GRIP1: variants seen among roughly 807,000 people sequenced by gnomAD.
GRIP1 encodes glutamate receptor-interacting protein 1.
GRIP1 carries 45 observed loss-of-function variants against 129.9 expected under a neutral mutation model. The ratio of observed to expected loss-of-function variants is 0.35; its 90% CI spans 0.27 to 0.44. The LOEUF (loss-of-function observed/expected upper bound fraction) is 0.44. Ranked by LOEUF, GRIP1 falls within the 20% of genes least tolerant of loss-of-function variation. The pLI, the probability that GRIP1 is intolerant of heterozygous loss-of-function variation, is 1.00. For synonymous variants in GRIP1, 530 were observed against 520.8 expected (o/e 1.02, Z -0.24); for missense variants, 1,196 against 1,396.8 (o/e 0.86, Z 2.29).
chr12:67,012,083 A>G (rs192417816), intron 1 of GRIP1, among the ~76,000 whole-genome samples: 15 of 152,326 alleles, frequency 9.8e-5, no homozygotes, highest in African/African-American at 3.6e-4. Flanking sequence ...GGCACATAGT[A>G]GTCATACAAT....
chr12:66,377,702 G>T (rs79092518), intron 20 of GRIP1, among the ~76,000 whole-genome samples: 1 of 146,162 alleles, frequency 6.8e-6, no homozygotes, highest in Non-Finnish European at 1.5e-5. Context: ...TATAGAAAGA[G>T]AGTCATTTTG....
intron 7 of GRIP1, among the ~76,000 whole-genome samples, chr12:66,504,781 C>T (rs1013031360): frequency 9.9e-5 from 15 of 151,970 alleles, no homozygotes; most frequent in Admixed American, 7.9e-4. Context: ...GATAATAAAA[C>T]ATGCTGTAGT....
At chr12:66,534,309 A>G (rs1486779931) in intron 4 of GRIP1, among the ~76,000 whole-genome samples, 1 of 152,222 alleles carries the variant, frequency 6.6e-6, no homozygotes, top group Non-Finnish European at 1.5e-5. Context: ...TTAACTCCTA[A>G]ACATTTCTGA....
At chr12:66,542,239 C>T (rs2061806375) in intron 2 of GRIP1, among the ~76,000 whole-genome samples, 1 of 152,106 alleles carries the variant, frequency 6.6e-6, no homozygotes, top group Non-Finnish European at 1.5e-5. Context: ...TTCTGCCATT[C>T]TCAGGTGACA....
intron 1 of GRIP1, among the ~76,000 whole-genome samples, chr12:66,984,351 T>C (rs1032886240): frequency 6.6e-6 from 1 of 152,220 alleles, no homozygotes; most frequent in African/African-American, 2.4e-5. Context: ...CAATTTATCA[T>C]ATGTAAGAAC....
intron 16 of GRIP1, among the ~76,000 whole-genome samples, chr12:66,397,761 C>G (rs998918357): frequency 2.6e-5 from 4 of 152,118 alleles, no homozygotes; most frequent in African/African-American, 9.7e-5. Context: ...GTGGAGAAAC[C>G]AGACTGAGAG....
chr12:66,357,296 CT>C (rs924562483), intron 23 of GRIP1, among the ~76,000 whole-genome samples: 7 of 152,230 alleles, frequency 4.6e-5, no homozygotes, highest in Non-Finnish European at 1.0e-4. Context: ...GTCCTTCCCC[CT>C]GTGCTGCTGA....
chr12:66,618,724 T>G (rs2065145872), intron 1 of GRIP1, among the ~76,000 whole-genome samples: 1 of 152,146 alleles, frequency 6.6e-6, no homozygotes, highest in African/African-American at 2.4e-5. Flanking sequence ...AATGTTTATT[T>G]ATCAATATCC....
chr12:66,520,475 C>T (rs549088430), intron 5 of GRIP1, among the ~76,000 whole-genome samples: 1 of 152,284 alleles, frequency 6.6e-6, no homozygotes, highest in African/African-American at 2.4e-5. Flanking sequence ...TAAACTAATA[C>T]TGGCTTATTG....
intron 1 of GRIP1, among the ~76,000 whole-genome samples, chr12:66,896,498 T>TTTGG (rs1215551823): frequency 3.5e-5 from 3 of 86,956 alleles, no homozygotes; most frequent in Non-Finnish European, 5.7e-5. Context: ...AAAAAAAAAC[T>TTTGG]TTGGTGGGCC....
chr12:66,397,110 C>CAAG (rs2056820599), intron 16 of GRIP1, among the ~76,000 whole-genome samples: 1 of 60,216 alleles, frequency 1.7e-5, no homozygotes, highest in African/African-American at 6.7e-5. Flanking sequence ...GACTCTGTCT[C>CAAG]AAAAAAAAAA....
intron 1 of GRIP1, among the ~76,000 whole-genome samples, chr12:66,933,380 C>G (rs1346180945): frequency 6.6e-6 from 1 of 152,130 alleles, no homozygotes; most frequent in East Asian, 1.9e-4. Context: ...ATATGGAAAC[C>G]ACTGCTGAGA....
chr12:66,761,056 T>C (rs1592818396), intron 1 of GRIP1, among the ~76,000 whole-genome samples: 1 of 152,146 alleles, frequency 6.6e-6, no homozygotes, highest in South Asian at 2.1e-4. Flanking sequence ...CGCAAAATGG[T>C]CTCTGCTTTC....
In GRIP1 at chr12:66,723,234, C is replaced by T. The variant is rs377330794; in HGVS notation, c.-420+80819G>A. Among the ~76,000 whole-genome samples the T allele has an allele frequency of 2.9e-3, 48 of 16,842 alleles. 6 individuals are homozygous for T. Among genetic ancestry groups the T allele is most frequent in the African/African-American group, 7.3e-3 (27 of 3,698 alleles). 11.0% of individuals were successfully genotyped at this position (16,842 alleles called of 152,430 possible). On this transcript the variant is annotated intron_variant, in intron 1 of 4. Transcript: ENST00000538373. Reference sequence around the variant, plus strand: ...TCTTTCTTTCTTTCTTTCTCTCTCTCTCTCTCTTCCTTCCTTCCTTCCTTC... The same window carrying T: ...TCTTTCTTTCTTTCTTTCTCTCTCTTTCTCTCTTCCTTCCTTCCTTCCTTC...
At chr12:66,877,428 G>A (rs1000313537) in intron 1 of GRIP1, among the ~76,000 whole-genome samples, 2 of 152,032 alleles carry the variant, frequency 1.3e-5, no homozygotes, top group African/African-American at 2.4e-5. Flanking sequence ...AGGAAAGGGT[G>A]TAACTGTTCT....
chr12:66,692,644 A>G (rs796366567), intron 1 of GRIP1, among the ~76,000 whole-genome samples: 3 of 152,344 alleles, frequency 2.0e-5, no homozygotes, highest in African/African-American at 7.2e-5. Flanking sequence ...GCATTTGGTC[A>G]GAAGTGCCAC....
intron 4 of GRIP1, among the ~76,000 whole-genome samples, chr12:66,533,136 T>C (rs997758245): frequency 1.3e-5 from 2 of 152,164 alleles, no homozygotes; most frequent in Non-Finnish European, 2.9e-5. Context: ...CATTTCAAAA[T>C]TCTTTAAGAG....
intron 1 of GRIP1, among the ~76,000 whole-genome samples, chr12:66,828,137 T>C (rs1230826352): frequency 6.6e-6 from 1 of 152,222 alleles, no homozygotes; most frequent in Non-Finnish European, 1.5e-5. Context: ...GAGGCAATTA[T>C]TTTATCTTAA....
intron 2 of GRIP1, among the ~76,000 whole-genome samples, chr12:66,555,447 G>GGTACAAACAAGCCCAGACTGCGAC (rs1481476114): frequency 6.6e-6 from 1 of 152,066 alleles, no homozygotes; most frequent in East Asian, 1.9e-4. Context: ...AAGAAGGATG[G>GGTACAAACAAGCCCAGACTGCGAC]GTACAAACAA....
Sources: gnomAD v4.1 joint callset for allele counts (sites outside exome capture counted in the v4.1 genomes callset) on GRCh38, gnomAD v4.1.1 for gene constraint, MANE v1.5 for transcripts, NCBI Gene and HGNC (gene_info 2026-07-23, HGNC 2026-07-21) for gene names.